The following MEG3 variants were observed in gnomAD, a reference collection of about 807,000 sequenced individuals.
MEG3 encodes the protein maternally expressed 3.
upstream of MEG3, chr14:100,852,461 G>A (rs1468683866): frequency 5.6e-6 from 3 of 531,336 alleles, no homozygotes; most frequent in Non-Finnish European, 1.2e-5. Flanking sequence ...GCCTGATGTG[G>A]TGCTGGGGCC....
At chr14:100,828,320 A>G (rs1339001400) in intron 1 of MEG3, among the ~76,000 whole-genome samples, 1 of 151,780 alleles carries the variant, frequency 6.6e-6, no homozygotes, top group East Asian at 1.9e-4. Context: ...TGTCAGTCAA[A>G]TCATCCTTAC....
chr14:100,844,374 A>T (rs1037716057), intron 2 of MEG3, among the ~76,000 whole-genome samples: 2 of 152,204 alleles, frequency 1.3e-5, no homozygotes, highest in Non-Finnish European at 2.9e-5. Context: ...GTGGGACCTC[A>T]GCTGTCACAG....
At chr14:100,841,861 C>A (rs951250143) in intron 2 of MEG3, among the ~76,000 whole-genome samples, 7 of 152,158 alleles carry the variant, frequency 4.6e-5, no homozygotes, top group African/African-American at 1.7e-4. Context: ...GATGTTCGTT[C>A]CCCCAACCCC....
rs898241796 is a variant in MEG3 at position 100,845,206 on chromosome 14, C to T, written n.3046-252C>T. Among the ~76,000 whole-genome samples the T allele has an allele frequency of 2.6e-5, 4 of 152,214 alleles. No homozygotes were observed. The highest frequency in any genetic ancestry group is 2.1e-4 in the South Asian group (1 of 4,834). ...GGTCCCACAGAGCACGACTTCGCTC[C>T]GTGAACAGCACCAACCCAAGTCTGT... On this transcript the variant is annotated intron_variant and non_coding_transcript_variant, in intron 2 of 3. Coordinates refer to the MEG3 transcript ENST00000398461. The surrounding 1 kb of genome is among the most constrained non-coding windows in gnomAD (Gnocchi z 5.2).
intron 2 of MEG3, among the ~76,000 whole-genome samples, chr14:100,838,072 G>A (rs572412161): frequency 2.6e-5 from 4 of 152,182 alleles, no homozygotes; most frequent in Admixed American, 6.5e-5. Context: ...GGGGCAGGCT[G>A]CTGGGGTCCT....
At chr14:100,834,733 G>A (rs1287832550) in exon 1 of MEG3, 1 of 456,542 alleles carries the variant, frequency 2.2e-6, no homozygotes, top group Non-Finnish European at 4.4e-6. Flanking sequence ...TAGAGTATGT[G>A]GGATGTTGGT....
At chr14:100,836,540 G>A (rs959741680) in intron 2 of MEG3, among the ~76,000 whole-genome samples, 2 of 152,068 alleles carry the variant, frequency 1.3e-5, no homozygotes, top group African/African-American at 2.4e-5. Context: ...GTGGGCCGGC[G>A]ACGGTAGGTG....
chr14:100,834,820 G>A (rs1450882666), exon 1 of MEG3: 1 of 456,672 alleles, frequency 2.2e-6, no homozygotes, highest in Non-Finnish European at 4.4e-6. Context: ...AGTTCTAGGT[G>A]CAAAGGCTGG....
At chr14:100,839,820 C>A (rs1316942579) in intron 2 of MEG3, among the ~76,000 whole-genome samples, 3 of 152,186 alleles carry the variant, frequency 2.0e-5, no homozygotes, top group Non-Finnish European at 4.4e-5. Flanking sequence ...CATGGAGAGA[C>A]CCCTTATCTT....
intron 2 of MEG3, among the ~76,000 whole-genome samples, chr14:100,844,234 C>T (rs927111059): frequency 3.9e-5 from 6 of 152,088 alleles, no homozygotes; most frequent in African/African-American, 1.4e-4. Context: ...CCATGGTCTC[C>T]CCCTGGCTTC....
intron 2 of MEG3, among the ~76,000 whole-genome samples, chr14:100,838,479 C>T (rs1230829814): frequency 6.6e-6 from 1 of 152,206 alleles, no homozygotes; most frequent in Admixed American, 6.5e-5. Context: ...TCGGGAACTG[C>T]CGAAAGGCCA....
chr14:100,850,124 A>T (rs1430792742), intron 3 of MEG3: 2 of 152,260 alleles, frequency 1.3e-5, no homozygotes, highest in Non-Finnish European at 2.9e-5. Context: ...TTTTAATTAA[A>T]AAAATTAATA....
downstream of MEG3, chr14:100,830,309 G>A (rs2037360013): frequency 6.7e-6 from 1 of 149,960 alleles, no homozygotes; most frequent in South Asian, 2.1e-4. Flanking sequence ...ACTACTCTAA[G>A]TTTCAGTTTC....
chr14:100,852,134 C>T, intron 3 of MEG3: 1 of 349,632 alleles, frequency 2.9e-6, no homozygotes, highest in South Asian at 2.1e-5. Flanking sequence ...GCGTCATGCT[C>T]AGAGTGACTC....
chr14:100,833,756 T>G (rs2037466566), downstream of MEG3: 2 of 152,174 alleles, frequency 1.3e-5, no homozygotes, highest in African/African-American at 2.4e-5. Flanking sequence ...GGATCAATCA[T>G]GATTAAATCA....
intron 1 of MEG3, among the ~76,000 whole-genome samples, chr14:100,828,141 T>C (rs1324467463): frequency 6.6e-6 from 1 of 151,996 alleles, no homozygotes; most frequent in African/African-American, 2.4e-5. Flanking sequence ...CTGAGACCTG[T>C]TGGGCACCCC....
chr14:100,845,650 G>T lies in MEG3; in HGVS notation n.3121+117G>T, dbSNP rs2037897893. 2 of 371,818 alleles carry T rather than the reference G, an allele frequency of 5.4e-6. No homozygotes were observed. The highest frequency in any genetic ancestry group is 2.0e-5 in the South Asian group (1 of 51,180). 23.0% of individuals were successfully genotyped at this position (371,818 alleles called of 1,614,324 possible). ...GAGGGGCTGGCGGGCACTGGCCGGG[G>T]GTCTGTGCACCGGGAGGTGGGTGCC... On this transcript the variant is annotated intron_variant and non_coding_transcript_variant, in intron 3 of 3. Coordinates refer to the MEG3 transcript ENST00000398461. This position sits in a 1 kb window ranked among gnomAD's most constrained non-coding sequence, Gnocchi z 5.2.
In MEG3 at chr14:100,835,822, C is replaced by G. The variant is rs74080131; in HGVS notation, n.2854C>G. 759 of 199,856 alleles carry G rather than the reference C, an allele frequency of 3.8e-3. 6 individuals carry two copies. Among genetic ancestry groups the G allele is most frequent in the African/African-American group, 0.014 (605 of 41,846 alleles). The allele number at this position is 199,856 out of a possible 1,614,324, so 12.4% of individuals were successfully genotyped here. A position where few individuals can be genotyped will look rare whatever the true frequency, so the allele number is the denominator to read the frequency against. On this transcript the variant is annotated non_coding_transcript_exon_variant, in exon 1 of 4. Coordinates refer to the MEG3 transcript ENST00000398461. ...CAGTGCCTCCTCCTGTGGGCCTGGC[C>G]TCAGGGCTATGGACAGACTCCTGTC...
At chr14:100,846,478 G>C (rs1407076357) in intron 3 of MEG3, 1 of 152,276 alleles carries the variant, frequency 6.6e-6, no homozygotes, top group Non-Finnish European at 1.5e-5. Context: ...ACTGTGGGCT[G>C]TGTGTACCTT....
Sources: allele counts gnomAD v4.1 joint callset (sites outside exome capture counted in the v4.1 genomes callset), GRCh38; gene constraint gnomAD v4.1.1; non-coding constraint Gnocchi (gnomAD v3.1); transcripts MANE v1.5; gene names NCBI Gene and HGNC (gene_info 2026-07-23, HGNC 2026-07-21).